PAQR5: variants seen among roughly 807,000 people sequenced by gnomAD.
PAQR5 encodes progestin and adipoQ receptor family member 5.
Under a neutral mutation model 34.5 loss-of-function variants are expected in PAQR5, and 20 were observed. That is an observed-to-expected ratio of 0.58 (90% CI 0.41 to 0.84). The LOEUF (loss-of-function observed/expected upper bound fraction) is 0.84. Among genes scored for constraint, PAQR5 ranks in the 40% least tolerant of loss-of-function variants. The probability of loss-of-function intolerance (pLI) is 0.00; values close to 1 mark genes in which losing one functional copy is unlikely to be tolerated. For missense variants in PAQR5, 378 were observed against 412.7 expected, an observed-to-expected ratio of 0.92 and a Z score of 0.73; for synonymous variants, 131 against 155.6, an observed-to-expected ratio of 0.84 and a Z score of 1.18.
At chr15:69,322,760 A>AGAGGGAGAAGAAGAAGAAGATGAG (rs2054142104) in intron 1 of PAQR5, among the ~76,000 whole-genome samples, 2 of 42,160 alleles carry the variant, frequency 4.7e-5, no homozygotes, top group Admixed American at 2.8e-4. Context: ...AAGAAGAAGA[A>AGAGGGAGAAGAAGAAGAAGATGAG]GAAGAAGAAG....
At chr15:69,366,028 A>G (rs2055393040) in intron 3 of PAQR5, among the ~76,000 whole-genome samples, 1 of 152,244 alleles carries the variant, frequency 6.6e-6, no homozygotes, top group African/African-American at 2.4e-5. Flanking sequence ...AACACAGAGT[A>G]TATTGCACAA....
At chr15:69,306,699 C>CG (rs1555411890) in intron 1 of PAQR5, among the ~76,000 whole-genome samples, 1 of 152,012 alleles carries the variant, frequency 6.6e-6, no homozygotes, top group African/African-American at 2.4e-5. Flanking sequence ...CACCGCCCCC[C>CG]GCCCATTTAA....
intron 3 of PAQR5, among the ~76,000 whole-genome samples, chr15:69,363,635 C>T (rs1748150646): frequency 6.6e-6 from 1 of 150,536 alleles, no homozygotes; most frequent in African/African-American, 2.4e-5. Context: ...CAACCTCCGC[C>T]TCCCAGGTTC....
rs369749075 is a variant in PAQR5, at chr15:69,313,706, A to G, written c.-277+14650A>G. 4.6e-4 allele frequency among the ~76,000 whole-genome samples: 70 copies of G among 152,210 alleles called. 1 individual carries two copies. The highest frequency in any genetic ancestry group is 1.5e-3 in the African/African-American group (62 of 41,526). On this transcript the variant is annotated intron_variant, in intron 1 of 8. Transcript: ENST00000395407. Reference sequence around the variant, plus strand: ...CACTCTACAGAGCCAGGTGTTCCCGAGAGGAGGTTGAGTGTCAGCCCTTCA... The same window carrying G: ...CACTCTACAGAGCCAGGTGTTCCCGGGAGGAGGTTGAGTGTCAGCCCTTCA...
Position 69,303,682 on chromosome 15 carries a change from T to C in PAQR5, c.-277+4626T>C, listed in dbSNP as rs1302546291. On this transcript the variant is annotated intron_variant, in intron 1 of 8. Transcript: ENST00000395407. ...CTCCAGGCAGCCGTGGGAGAAGGAG[T>C]GGCATTCCCATGGACTTGGGCTAGG... Among the ~76,000 whole-genome samples, 3 of 150,730 alleles carry C rather than the reference T, an allele frequency of 2.0e-5. No homozygotes were observed. The East Asian group carries it at 5.9e-4, about 29-fold the overall frequency.
At chr15:69,354,387 C>T (rs914187382) in intron 2 of PAQR5, among the ~76,000 whole-genome samples, 5 of 152,070 alleles carry the variant, frequency 3.3e-5, no homozygotes, top group Admixed American at 6.5e-5. Context: ...TTCTTCATCA[C>T]GTAATATAAG....
At chr15:69,355,165 ATCTCTCTC>A (rs111764681) in intron 2 of PAQR5, among the ~76,000 whole-genome samples, 3 of 145,096 alleles carry the variant, frequency 2.1e-5, no homozygotes, top group Non-Finnish European at 4.6e-5. Flanking sequence ...CCTGTCACCC[ATCTCTCTC>A]TCTCTCTCTC....
At chr15:69,363,710 G>A (rs1459769630) in intron 3 of PAQR5, among the ~76,000 whole-genome samples, 8 of 151,652 alleles carry the variant, frequency 5.3e-5, no homozygotes, top group Non-Finnish European at 1.0e-4. Flanking sequence ...ACGCCACCAT[G>A]CCCAGATACT....
intron 1 of PAQR5, among the ~76,000 whole-genome samples, chr15:69,316,969 G>A (rs1238722946): frequency 6.6e-5 from 10 of 152,112 alleles, no homozygotes; most frequent in Non-Finnish European, 1.3e-4. Flanking sequence ...ACAGGCACAC[G>A]CCACTAGGCC....
At chr15:69,365,484 G>T (rs941494056) in intron 3 of PAQR5, among the ~76,000 whole-genome samples, 5 of 152,282 alleles carry the variant, frequency 3.3e-5, no homozygotes, top group South Asian at 2.1e-4. Context: ...TAAGTTGTTA[G>T]TGTGGTGATA....
intron 3 of PAQR5, among the ~76,000 whole-genome samples, chr15:69,376,177 G>A (rs887911680): frequency 1.3e-5 from 2 of 152,140 alleles, no homozygotes; most frequent in South Asian, 2.1e-4. Flanking sequence ...GGTGCAAGGT[G>A]GAGTCCTACA....
At chr15:69,308,095 C>T (rs933896525) in intron 1 of PAQR5, among the ~76,000 whole-genome samples, 1 of 152,174 alleles carries the variant, frequency 6.6e-6, no homozygotes, top group Admixed American at 6.5e-5. Context: ...CAAGGACTGC[C>T]ATCAGATGAC....
chr15:69,366,906 G>A (rs148038498), intron 3 of PAQR5, among the ~76,000 whole-genome samples: 4 of 151,708 alleles, frequency 2.6e-5, no homozygotes, highest in East Asian at 3.9e-4. Flanking sequence ...CTATCTTCCC[G>A]ATGTTGCAAA....
chr15:69,347,058 G>A (rs2054793840), intron 2 of PAQR5, among the ~76,000 whole-genome samples: 2 of 152,086 alleles, frequency 1.3e-5, no homozygotes, highest in African/African-American at 4.8e-5. Context: ...CTGACCTCAG[G>A]TGACCCACCT....
intron 2 of PAQR5, among the ~76,000 whole-genome samples, chr15:69,341,672 C>T (rs767573826): frequency 6.6e-6 from 1 of 152,092 alleles, no homozygotes; most frequent in Non-Finnish European, 1.5e-5. Context: ...ATACCTGCTT[C>T]AGGCCGTCGC....
chr15:69,315,889 G>T (rs143703068), intron 1 of PAQR5, among the ~76,000 whole-genome samples: 1 of 151,954 alleles, frequency 6.6e-6, no homozygotes, highest in Non-Finnish European at 1.5e-5. Flanking sequence ...GTCTCATGCC[G>T]CTTCCTTCCC....
chr15:69,323,102 TG>T (rs1400775430), intron 1 of PAQR5, among the ~76,000 whole-genome samples: 1 of 152,146 alleles, frequency 6.6e-6, no homozygotes, highest in East Asian at 1.9e-4. Context: ...GAACATAAAG[TG>T]TGGAACATGG....
At chr15:69,330,625 G>C (rs117269276) in intron 1 of PAQR5, among the ~76,000 whole-genome samples, 1 of 151,902 alleles carries the variant, frequency 6.6e-6, no homozygotes, top group Non-Finnish European at 1.5e-5. Context: ...AGACAACTTC[G>C]ACTCCCTATG....
chr15:69,380,054 C>G (rs376330437), intron 4 of PAQR5, 44 bp downstream of exon 4: 1 of 1,605,826 alleles, frequency 6.2e-7, no homozygotes, highest in Non-Finnish European at 8.5e-7. Flanking sequence ...TTCAGGAGCC[C>G]TGGAGACCAG....
Sources: gnomAD v4.1 joint callset for allele counts (sites outside exome capture counted in the v4.1 genomes callset) on GRCh38, gnomAD v4.1.1 for gene constraint, MANE v1.5 for transcripts, NCBI Gene and HGNC (gene_info 2026-07-23, HGNC 2026-07-21) for gene names.